Variants in RCBTB1 observed in about 807,000 individuals in gnomAD.
The protein encoded by RCBTB1 is RCC1 and BTB domain-containing protein 1.
Under a neutral mutation model 62.4 loss-of-function variants are expected in RCBTB1, and 46 were observed. The observed-to-expected ratio is 0.74, with a 90% CI of 0.58 to 0.94. The LOEUF (loss-of-function observed/expected upper bound fraction) is 0.94. Among genes scored for constraint, RCBTB1 ranks in the 40% least tolerant of loss-of-function variants. The pLI is 0.00. For synonymous variants in RCBTB1, 222 were observed against 245.8 expected, an observed-to-expected ratio of 0.90 and a Z score of 0.91; for missense variants, 565 against 654.9, an observed-to-expected ratio of 0.86 and a Z score of 1.50.
In RCBTB1 at chr13:49,541,734, A is replaced by ACAT; in HGVS notation, c.1265_1266insATG (p.Arg422_Ala423insCys). 1 of 1,614,154 alleles carries ACAT rather than the reference A, an allele frequency of 6.2e-7. No individual in the cohort carries two copies. The highest frequency in any genetic ancestry group is 8.5e-7 in the Non-Finnish European group (1 of 1,180,022). ...CTGTGTAGAGGTACTGGAGAAAGGC[A>ACAT]CGATACACTGGGTAAGAAAACTGAT... is the stretch of plus-strand genomic sequence containing the variant. On this transcript the variant is annotated inframe_insertion, in exon 11 of 13. Transcript: ENST00000378302.
rs1428848105 is a variant in RCBTB1, at chr13:49,532,771, G to A, written c.*1351C>T. On this transcript the variant is annotated 3_prime_UTR_variant, in exon 13 of 13. Transcript: ENST00000378302. ...GCTCTGAAAATGTATTCAGGCTCCA[G>A]GTTCAGAAGAGAGACTTTCCAAGCA... The A allele has an allele frequency of 1.3e-5, 2 of 151,956 alleles. No homozygotes were observed. The highest frequency in any genetic ancestry group is 1.5e-5 in the Non-Finnish European group (1 of 68,010). 9.4% of individuals were successfully genotyped at this position (151,956 alleles called of 1,614,324 possible).
At chr13:49,538,964 G>C (rs551405801) in intron 12 of RCBTB1, among the ~76,000 whole-genome samples, 1 of 150,176 alleles carries the variant, frequency 6.7e-6, no homozygotes, top group Non-Finnish European at 1.5e-5. Context: ...CTCCCTCCCA[G>C]ATTCAAGCAA....
intron 9 of RCBTB1, among the ~76,000 whole-genome samples, chr13:49,547,558 G>A (rs1006334995): frequency 1.1e-4 from 17 of 152,098 alleles, no homozygotes; most frequent in Non-Finnish European, 1.8e-4. Context: ...CCTTGTAAAT[G>A]GCTACTCAGT....
chr13:49,536,877 A>G (rs1383873886), intron 12 of RCBTB1, among the ~76,000 whole-genome samples: 1 of 152,250 alleles, frequency 6.6e-6, no homozygotes, highest in Admixed American at 6.5e-5. Flanking sequence ...TTCTGAAGTA[A>G]TTTATAAATC....
chr13:49,537,147 A>G (rs115125295), intron 12 of RCBTB1, among the ~76,000 whole-genome samples: 294 of 152,290 alleles, frequency 1.9e-3, no homozygotes, highest in African/African-American at 6.4e-3. Context: ...TCGGCATCAC[A>G]GCTCCCCACA....
Position 49,555,657 on chromosome 13 carries a change from T to C in RCBTB1, c.461A>G (p.Tyr154Cys). 1.3e-6 allele frequency: 2 copies of C among 1,599,798 alleles called. No individual in the cohort carries two copies. Among genetic ancestry groups the C allele is most frequent in the Non-Finnish European group, 8.5e-7 (1 of 1,172,596 alleles). The change falls in exon 6 of 13, where the codon TAT (tyrosine) becomes TGT (cysteine). Residue 154 changes from tyrosine to cysteine, a missense_variant. Tyr to Cys is a radical substitution (Grantham distance 194, BLOSUM62 -2). Transcript: ENST00000378302. ...AADGEVFAWG[Y>C]NNCGQVGSGS... ...TGATCCCACTTGGCCACAGTTGTTA[T>C]AACCCCAAGCAAACACCTACAAGAG... is the stretch of plus-strand genomic sequence containing the variant.
intron 2 of RCBTB1, among the ~76,000 whole-genome samples, chr13:49,577,499 C>T (rs1963854780): frequency 6.8e-6 from 1 of 148,148 alleles, no homozygotes; most frequent in Non-Finnish European, 1.5e-5. Flanking sequence ...CTCAACTAAC[C>T]AGAATGTATT....
intron 4 of RCBTB1, among the ~76,000 whole-genome samples, chr13:49,565,821 A>C (rs1218416747): frequency 6.6e-6 from 1 of 152,098 alleles, no homozygotes; most frequent in Admixed American, 6.6e-5. Flanking sequence ...GTCGAATAGA[A>C]AAGGGGGAAA....
intron 4 of RCBTB1, among the ~76,000 whole-genome samples, chr13:49,562,266 T>C (rs779593127): frequency 1.3e-5 from 2 of 152,056 alleles, no homozygotes; most frequent in African/African-American, 4.8e-5. Flanking sequence ...AAATTTGACA[T>C]AAGCGTTGTA....
chr13:49,534,257 T>C lies in RCBTB1; in HGVS notation c.1461A>G (p.Leu487=), dbSNP rs760059462. Residue 487 remains leucine, a synonymous_variant, in exon 13 of 13, where the codon TTA becomes TTG. Coordinates refer to ENST00000378302, the MANE Select transcript of RCBTB1 (RefSeq NM_018191.4). ...SAAVRYDAED[L]EEFCFKFCIN... ...TGCAAAACTTAAAGCAGAATTCTTC[T>C]AAATCCTGGACACACAACAAAAATA... is the stretch of plus-strand genomic sequence containing the variant. The C allele has an allele frequency of 6.2e-7, 1 of 1,612,060 alleles. No homozygotes were observed. Among genetic ancestry groups the C allele is most frequent in the East Asian group, 2.2e-5 (1 of 44,848 alleles).
At chr13:49,544,294 A>AC (rs1960629830) in intron 10 of RCBTB1, among the ~76,000 whole-genome samples, 1 of 151,930 alleles carries the variant, frequency 6.6e-6, no homozygotes, top group African/African-American at 2.4e-5. Context: ...ACATGGAGAA[A>AC]CCCCATCTCT....
At chr13:49,575,402 G>A (rs1246806137) in intron 2 of RCBTB1, among the ~76,000 whole-genome samples, 1 of 149,516 alleles carries the variant, frequency 6.7e-6, no homozygotes, top group Non-Finnish European at 1.5e-5. Context: ...CCAAGACTGG[G>A]TATACATCCA....
chr13:49,558,297 C>A (rs941690977), intron 5 of RCBTB1, among the ~76,000 whole-genome samples: 1 of 152,154 alleles, frequency 6.6e-6, no homozygotes, highest in African/African-American at 2.4e-5. Flanking sequence ...TGGTGTCCTG[C>A]GCTGCCAGAA....
intron 4 of RCBTB1, among the ~76,000 whole-genome samples, chr13:49,564,105 T>C (rs1354127715): frequency 1.3e-5 from 2 of 152,148 alleles, no homozygotes; most frequent in Non-Finnish European, 2.9e-5. Context: ...TACACACACA[T>C]ACAAAATGTC....
intron 8 of RCBTB1, among the ~76,000 whole-genome samples, chr13:49,550,922 C>T (rs1366967381): frequency 6.6e-6 from 1 of 152,006 alleles, no homozygotes; most frequent in East Asian, 1.9e-4. Context: ...GCCAACATGG[C>T]GAAACCCTGT....
chr13:49,563,668 A>G (rs1462587001), intron 4 of RCBTB1, among the ~76,000 whole-genome samples: 2 of 152,246 alleles, frequency 1.3e-5, no homozygotes, highest in Admixed American at 1.3e-4. Flanking sequence ...AAAGAAAAAA[A>G]AGGAAAGAAA....
At chr13:49,561,608 A>G (rs940641557) in intron 4 of RCBTB1, among the ~76,000 whole-genome samples, 1 of 152,244 alleles carries the variant, frequency 6.6e-6, no homozygotes, top group Admixed American at 6.5e-5. Flanking sequence ...GGGAAAATTC[A>G]GTATCATAAA....
intron 12 of RCBTB1, among the ~76,000 whole-genome samples, chr13:49,535,893 A>C (rs904796990): frequency 6.6e-6 from 1 of 151,918 alleles, no homozygotes; most frequent in Non-Finnish European, 1.5e-5. Flanking sequence ...TGTGGTGGCA[A>C]GCACCTGTAA....
At chr13:49,579,021 TACAA>T (rs1382308589) in intron 2 of RCBTB1, among the ~76,000 whole-genome samples, 1 of 152,206 alleles carries the variant, frequency 6.6e-6, no homozygotes, top group Non-Finnish European at 1.5e-5. Flanking sequence ...CCTCTCAAGG[TACAA>T]ACAGCCAAAT....
Sources: allele counts gnomAD v4.1 joint callset (sites outside exome capture counted in the v4.1 genomes callset), GRCh38; gene constraint gnomAD v4.1.1; transcripts MANE v1.5; gene names NCBI Gene and HGNC (gene_info 2026-07-23, HGNC 2026-07-21).